The following DENND1A variants were observed in gnomAD, a reference collection of about 807,000 sequenced individuals.
DENND1A encodes DENN domain containing 1A, also known as DENN domain-containing protein 1A.
DENND1A carries 51 observed loss-of-function variants against 113.7 expected under a neutral mutation model. That is an observed-to-expected ratio of 0.45 (90% CI 0.36 to 0.57). The LOEUF is 0.57. DENND1A is among the 20% of genes least tolerant of loss of function. The pLI is 0.00. For missense variants in DENND1A, 1,258 were observed against 1,395.9 expected (o/e 0.90, Z 1.57); for synonymous variants, 565 against 570.8 (o/e 0.99, Z 0.14).
At position 123,913,644 on chromosome 9, in the gene DENND1A, G is replaced by A. The variant is rs10986134; in HGVS notation, c.17+16245C>T. 5.0e-3 allele frequency among the ~76,000 whole-genome samples: 767 copies of A among 152,244 alleles called. 3 individuals are homozygous for A. Among genetic ancestry groups the A allele is most frequent in the Admixed American group, 9.0e-3 (137 of 15,286 alleles). On this transcript the variant is annotated intron_variant, in intron 1 of 23. Transcript: ENST00000394215. ...AATCCGACCGGGCATGGTGGCTCAC[G>A]CCTGTAATCCCAGCACTTTGGGAGG...
intron 13 of DENND1A, among the ~76,000 whole-genome samples, chr9:123,502,510 G>A (rs543429559): frequency 3.3e-5 from 5 of 152,040 alleles, no homozygotes; most frequent in Non-Finnish European, 5.9e-5. Flanking sequence ...CAGGTCTTTT[G>A]CCTATGTTTG....
At chr9:123,824,039 T>C (rs1435968548) in intron 2 of DENND1A, among the ~76,000 whole-genome samples, 4 of 152,180 alleles carry the variant, frequency 2.6e-5, no homozygotes, top group South Asian at 4.1e-4. Flanking sequence ...GCCAGGTCTA[T>C]TTGACATGAA....
At chr9:123,624,609 T>C (rs949694218) in intron 10 of DENND1A, among the ~76,000 whole-genome samples, 3 of 152,226 alleles carry the variant, frequency 2.0e-5, no homozygotes, top group Non-Finnish European at 4.4e-5. Context: ...ACTTCCAAGA[T>C]GGTGCCTCCT....
In DENND1A at chr9:123,557,570, C is replaced by G. The variant is rs373154751; in HGVS notation, c.993G>C (p.Pro331=). 3.7e-6 allele frequency: 6 copies of G among 1,613,444 alleles called. No individual in the cohort carries two copies. The African/African-American group carries it at 4.0e-5, about 11-fold the overall frequency. Residue 331 remains proline, a splice_region_variant and synonymous_variant, in exon 13 of 24, where the codon CCG becomes CCC. Coordinates refer to ENST00000394215, the MANE Select transcript of DENND1A (RefSeq NM_001352964.2). ...TCTGTGACATGCCAAGGCTACTCAC[C>G]GGCTCGATTTTCAGAGCGTTTCGGT... ...GSYRNALKIE[P]EEPITFCEEA...
chr9:123,850,716 G>C (rs1016494955), intron 2 of DENND1A, among the ~76,000 whole-genome samples: 1 of 152,124 alleles, frequency 6.6e-6, no homozygotes, highest in African/African-American at 2.4e-5. Context: ...GACAGTAACA[G>C]TATCTATCCC....
intron 13 of DENND1A, among the ~76,000 whole-genome samples, chr9:123,552,956 T>C (rs1305451229): frequency 1.3e-5 from 2 of 152,130 alleles, no homozygotes; most frequent in Non-Finnish European, 1.5e-5. Flanking sequence ...TTACTGACAA[T>C]CAAAAAGACC....
At chr9:123,589,849 G>A (rs1329497862) in intron 11 of DENND1A, among the ~76,000 whole-genome samples, 2 of 152,162 alleles carry the variant, frequency 1.3e-5, no homozygotes, top group Non-Finnish European at 2.9e-5. Flanking sequence ...CCCGTAGTAT[G>A]GGGAGTGGTC....
chr9:123,681,815 A>C (rs572940271), intron 5 of DENND1A, among the ~76,000 whole-genome samples: 4 of 152,248 alleles, frequency 2.6e-5, no homozygotes, highest in Admixed American at 2.6e-4. Context: ...TAGTGCCCAG[A>C]TATTGGTTTC....
intron 8 of DENND1A, among the ~76,000 whole-genome samples, chr9:123,654,369 G>A: frequency 6.6e-6 from 1 of 152,164 alleles, no homozygotes; most frequent in East Asian, 1.9e-4. Flanking sequence ...AGATAACTCT[G>A]AAGCCACCAA....
At chr9:123,629,969 A>G (rs534789740) in intron 10 of DENND1A, among the ~76,000 whole-genome samples, 64 of 152,300 alleles carry the variant, frequency 4.2e-4, no homozygotes, top group African/African-American at 1.4e-3. Context: ...GTCATGACAT[A>G]TAAGAAAACT....
intron 13 of DENND1A, among the ~76,000 whole-genome samples, chr9:123,536,362 C>T (rs911027750): frequency 6.7e-6 from 1 of 149,886 alleles, no homozygotes; most frequent in African/African-American, 2.5e-5. Context: ...CCCAGCTATT[C>T]GGGAGGCTGA....
chr9:123,660,801 AAG>A (rs1245034862), intron 8 of DENND1A, among the ~76,000 whole-genome samples: 1 of 152,270 alleles, frequency 6.6e-6, no homozygotes, highest in East Asian at 1.9e-4. Flanking sequence ...TAATGGAACA[AAG>A]AGATCAAATT....
intron 3 of DENND1A, among the ~76,000 whole-genome samples, chr9:123,777,262 A>G (rs1220087306): frequency 2.0e-5 from 3 of 152,208 alleles, no homozygotes; most frequent in African/African-American, 7.2e-5. Context: ...CCCAGCCTTC[A>G]TTTCTGTATA....
intron 5 of DENND1A, among the ~76,000 whole-genome samples, chr9:123,720,268 G>C (rs2067245354): frequency 6.6e-6 from 1 of 152,298 alleles, no homozygotes; most frequent in Middle Eastern, 3.4e-3. Flanking sequence ...GATAACAACA[G>C]GGCAGCGGGA....
At chr9:123,835,357 G>A (rs1216206303) in intron 2 of DENND1A, among the ~76,000 whole-genome samples, 4 of 152,034 alleles carry the variant, frequency 2.6e-5, no homozygotes, top group Admixed American at 1.3e-4. Context: ...TTTTTACAAC[G>A]CAGCTGATTT....
chr9:123,926,760 T>C (rs922444182), intron 1 of DENND1A, among the ~76,000 whole-genome samples: 5 of 151,988 alleles, frequency 3.3e-5, no homozygotes, highest in Non-Finnish European at 7.4e-5. Context: ...ATGCGTTCCA[T>C]GAACTCTTCT....
chr9:123,518,286 A>AC lies in DENND1A; in HGVS notation c.993+39283dup, dbSNP rs1277416266. ...AAATAGACTCAGAGTTACTCTGATA[A>AC]CCCCATATAAAGAAGGCACTCATTA... is the stretch of plus-strand genomic sequence containing the variant. On this transcript the variant is annotated intron_variant, in intron 13 of 23. Transcript: ENST00000394215. Among the ~76,000 whole-genome samples the AC allele has an allele frequency of 2.0e-5, 3 of 152,338 alleles. No individual in the cohort carries two copies. In the East Asian group the frequency reaches 5.8e-4, roughly 29 times the overall value.
At chr9:123,597,509 C>A (rs1564790438) in intron 11 of DENND1A, among the ~76,000 whole-genome samples, 1 of 152,102 alleles carries the variant, frequency 6.6e-6, no homozygotes, top group Admixed American at 6.5e-5. Context: ...CTTGGAAAAT[C>A]ATATTCAGGA....
chr9:123,917,609 C>T (rs1219906034), intron 1 of DENND1A, among the ~76,000 whole-genome samples: 3 of 152,022 alleles, frequency 2.0e-5, no homozygotes, highest in African/African-American at 7.2e-5. Context: ...AAATTCTGAC[C>T]CCTGGAGAAT....
Sources: gnomAD v4.1 joint callset for allele counts (sites outside exome capture counted in the v4.1 genomes callset) on GRCh38, gnomAD v4.1.1 for gene constraint, MANE v1.5 for transcripts, NCBI Gene and HGNC (gene_info 2026-07-23, HGNC 2026-07-21) for gene names.